LPAR6: variants seen among roughly 807,000 people sequenced by gnomAD.
LPAR6 encodes the protein lysophosphatidic acid receptor 6.
LPAR6 carries 17 observed loss-of-function variants against 22.0 expected under a neutral mutation model. The ratio of observed to expected loss-of-function variants is 0.77; its 90% CI spans 0.53 to 1.16. The LOEUF is 1.16. Among genes scored for constraint, LPAR6 ranks in the 50% most tolerant of loss-of-function variants. The probability of loss-of-function intolerance (pLI) is 0.00; values close to 1 mark genes in which losing one functional copy is unlikely to be tolerated. For missense variants in LPAR6, 384 were observed against 406.9 expected, an observed-to-expected ratio of 0.94 and a Z score of 0.48; for synonymous variants, 136 against 139.8, an observed-to-expected ratio of 0.97 and a Z score of 0.19.
upstream of LPAR6, among the ~76,000 whole-genome samples, chr13:48,431,496 G>A (rs180898328): frequency 2.1e-3 from 326 of 152,286 alleles, 2 homozygotes; most frequent in South Asian, 7.2e-3. Flanking sequence ...TCAAAGGTAA[G>A]GAAGAATTAT....
chr13:48,396,337 A>G (rs757292378), intron 1 of LPAR6, among the ~76,000 whole-genome samples: 3 of 152,188 alleles, frequency 2.0e-5, no homozygotes, highest in Non-Finnish European at 2.9e-5. Context: ...CTCAGAAATA[A>G]TGCCACACAT....
At chr13:48,432,615 T>C (rs747845369) in intron 1 of LPAR6, among the ~76,000 whole-genome samples, 59 of 152,148 alleles carry the variant, frequency 3.9e-4, no homozygotes, top group Admixed American at 1.4e-3. Flanking sequence ...AGCATCCTGT[T>C]TACCTCAAGA....
intron 1 of LPAR6, among the ~76,000 whole-genome samples, chr13:48,441,954 T>C (rs1949241261): frequency 6.6e-6 from 1 of 152,190 alleles, no homozygotes; most frequent in Non-Finnish European, 1.5e-5. Flanking sequence ...AATAGATAAT[T>C]TGATGCCTTG....
At position 48,411,837 on chromosome 13, in the gene LPAR6, G is replaced by A. The variant is rs115596308; in HGVS notation, c.587C>T (p.Pro196Leu). The change falls in exon 1 of 1, where the codon CCT becomes CTT. Residue 196 changes from proline to leucine, a missense_variant. Coordinates refer to ENST00000620633, the MANE Select transcript of LPAR6 (RefSeq NM_001162498.3). ...IFIEIVGFFI[P>L]LILNVTCSSM... ...AGAACAAGTTACATTTAAAATTAGAGGAATAAAAAATCCCACTATTTCGAT... is the reference window on the plus strand; with the variant it reads ...AGAACAAGTTACATTTAAAATTAGAAGAATAAAAAATCCCACTATTTCGAT... 6.2e-7 allele frequency: 1 copy of A among 1,612,982 alleles called. No individual in the cohort carries two copies. The highest frequency in any genetic ancestry group is 1.3e-5 in the African/African-American group (1 of 74,984).
intron 1 of LPAR6, among the ~76,000 whole-genome samples, chr13:48,435,661 A>G (rs1203773942): frequency 6.6e-6 from 1 of 152,044 alleles, no homozygotes; most frequent in African/African-American, 2.4e-5. Flanking sequence ...TTTCCCTTAT[A>G]CTTAAAAAAT....
intron 1 of LPAR6, among the ~76,000 whole-genome samples, chr13:48,441,154 A>G (rs1949232572): frequency 6.6e-6 from 1 of 152,226 alleles, no homozygotes; most frequent in East Asian, 1.9e-4. Flanking sequence ...TCAAGTTTCC[A>G]GCAGATCTGA....
intron 1 of LPAR6, among the ~76,000 whole-genome samples, chr13:48,400,190 T>C (rs1466498770): frequency 6.6e-6 from 1 of 152,136 alleles, no homozygotes; most frequent in Non-Finnish European, 1.5e-5. Context: ...TTTATGTGTG[T>C]GACATTTCAG....
rs1197511990 is a variant in LPAR6 at position 48,411,251 on chromosome 13, T to C, written c.*138A>G. The stretch of plus-strand genomic sequence containing the variant: ...TAATGCTTAACACATTGAATACAAA[T>C]TTTCTTTATACTAAAGACTTTAAAA... On this transcript the variant is annotated 3_prime_UTR_variant, in exon 1 of 1. Transcript: ENST00000620633. The C allele has an allele frequency of 1.4e-6, 1 of 721,658 alleles. No homozygotes were observed. The highest frequency in any genetic ancestry group is 2.4e-6 in the Non-Finnish European group (1 of 412,922). The allele number at this position is 721,658 out of a possible 1,614,324, so 44.7% of individuals were successfully genotyped here. A position where few individuals can be genotyped will look rare whatever the true frequency, so the allele number is the denominator to read the frequency against.
chr13:48,419,585 A>G (rs1368360054), intron 2 of LPAR6, among the ~76,000 whole-genome samples: 3 of 152,196 alleles, frequency 2.0e-5, no homozygotes, highest in African/African-American at 7.2e-5. Context: ...TCAAAAAATC[A>G]ATGAATCCAG....
At chr13:48,404,652 G>C (rs572541468) in intron 1 of LPAR6, among the ~76,000 whole-genome samples, 129 of 152,080 alleles carry the variant, frequency 8.5e-4, no homozygotes, top group African/African-American at 3.0e-3. Context: ...TTAGCCTCCT[G>C]AGTAGCTGGG....
chr13:48,401,846 A>T (rs1195210655), intron 1 of LPAR6, among the ~76,000 whole-genome samples: 1 of 152,202 alleles, frequency 6.6e-6, no homozygotes, highest in Non-Finnish European at 1.5e-5. Context: ...ACTAAATATA[A>T]CAACAAATTT....
At chr13:48,414,428 G>A (rs530249054), upstream of LPAR6, among the ~76,000 whole-genome samples, 76 of 151,568 alleles carry the variant, frequency 5.0e-4, no homozygotes, top group Non-Finnish European at 1.0e-3. Context: ...GTACTTAAAT[G>A]TAGGTGTTAT....
In LPAR6 at chr13:48,441,414, A is replaced by C. The variant is rs1004533163; in HGVS notation, c.-1474+3139T>G. Among the ~76,000 whole-genome samples, 5 of 152,214 alleles carry C rather than the reference A, an allele frequency of 3.3e-5. 1 individual carries two copies. In the South Asian group the frequency reaches 1.0e-3, roughly 32 times the overall value. ...GGCAAGAATGACCAACGGGTTTCCA[A>C]ACATATAGAAGTAGTAACATGTGCA... is the stretch of plus-strand genomic sequence containing the variant. On this transcript the variant is annotated intron_variant, in intron 1 of 6. Coordinates refer to the LPAR6 transcript ENST00000378434.
chr13:48,417,379 C>T (rs1948930059), upstream of LPAR6: 1 of 152,160 alleles, frequency 6.6e-6, no homozygotes, highest in Non-Finnish European at 1.5e-5. Flanking sequence ...TGAATAGCAT[C>T]AATATCAACA....
At chr13:48,436,754 A>C (rs1365496300) in intron 1 of LPAR6, among the ~76,000 whole-genome samples, 2 of 152,236 alleles carry the variant, frequency 1.3e-5, no homozygotes, top group Non-Finnish European at 2.9e-5. Flanking sequence ...ATCTTCAGAA[A>C]GGCCAAGGTC....
upstream of LPAR6, among the ~76,000 whole-genome samples, chr13:48,414,683 T>G (rs2138214061): frequency 6.6e-6 from 1 of 152,326 alleles, no homozygotes; most frequent in Admixed American, 6.5e-5. Flanking sequence ...TTGTGTTGTT[T>G]TGCACCATTC....
Position 48,440,599 on chromosome 13 carries a change from A to G in LPAR6, c.-1474+3954T>C, listed in dbSNP as rs565466189. 3.6e-4 allele frequency among the ~76,000 whole-genome samples: 55 copies of G among 152,292 alleles called. 1 individual carries two copies. In the South Asian group the frequency reaches 6.8e-3, roughly 19 times the overall value. On this transcript the variant is annotated intron_variant, in intron 1 of 6. Transcript: ENST00000378434. ...AGGCGATCTGCCTTGCCTTTCTTCT[A>G]CTGTGTCAAAGAATTTATGATCAAG...
chr13:48,425,170 G>A (rs1221312787), intron 1 of LPAR6, among the ~76,000 whole-genome samples: 1 of 152,224 alleles, frequency 6.6e-6, no homozygotes, highest in African/African-American at 2.4e-5. Context: ...AGAGCTTCTT[G>A]AGGAGATGAT....
At chr13:48,400,460 G>A (rs1370723103) in intron 1 of LPAR6, among the ~76,000 whole-genome samples, 1 of 152,050 alleles carries the variant, frequency 6.6e-6, no homozygotes, top group African/African-American at 2.4e-5. Context: ...TTACTGTTTG[G>A]TATGTGCATT....
Sources: allele counts gnomAD v4.1 joint callset (sites outside exome capture counted in the v4.1 genomes callset), GRCh38; gene constraint gnomAD v4.1.1; transcripts MANE v1.5; gene names NCBI Gene and HGNC (gene_info 2026-07-23, HGNC 2026-07-21).